AATF: variants seen among roughly 807,000 people sequenced by gnomAD.
AATF encodes apoptosis antagonizing transcription factor.
In AATF, 48 loss-of-function variants were observed where a neutral mutation model predicts 63.7. That is an observed-to-expected ratio of 0.75 (90% CI 0.60 to 0.96). The LOEUF is 0.96. AATF is among the 40% of genes least tolerant of loss of function. The pLI is 0.00. For missense variants in AATF, 639 were observed against 685.7 expected (o/e 0.93, Z 0.76); for synonymous variants, 258 against 247.7 (o/e 1.04, Z -0.39).
chr17:37,026,470 C>T (rs1259755729), intron 10 of AATF, among the ~76,000 whole-genome samples: 1 of 152,212 alleles, frequency 6.6e-6, no homozygotes, highest in African/African-American at 2.4e-5. Context: ...AATCAGTTTA[C>T]ATGCGGAGGC....
intron 8 of AATF, among the ~76,000 whole-genome samples, chr17:37,006,552 A>G (rs949866028): frequency 8.5e-5 from 13 of 152,226 alleles, no homozygotes; most frequent in Admixed American, 5.2e-4. Context: ...CAAATTGGCA[A>G]GTTTTTTAGC....
intron 4 of AATF, among the ~76,000 whole-genome samples, chr17:36,970,526 CTTTCTTTCTTT>C (rs2071030607): frequency 7.3e-6 from 1 of 136,970 alleles, no homozygotes; most frequent in Non-Finnish European, 1.5e-5. Flanking sequence ...TGGATAGTTT[CTTTCTTTCTTT>C]TTTCTTTTTT....
chr17:36,997,858 CTG>C lies in AATF; in HGVS notation c.1398+7004_1398+7005del. On this transcript the variant is annotated intron_variant, in intron 8 of 11. Transcript: ENST00000619387. ...ATCAATCAACGAGTGGATAAAGAAA[CTG>C]TGGTATATCTATATGATGGAATACT... Among the ~76,000 whole-genome samples, 3 of 152,276 alleles carry C rather than the reference CTG, an allele frequency of 2.0e-5. No individual in the cohort carries two copies. The Middle Eastern group carries it at 0.01, about 518-fold the overall frequency.
In AATF at chr17:36,957,284, T is replaced by G. The variant is rs2070909645; in HGVS notation, c.832+3377T>G. On this transcript the variant is annotated intron_variant, in intron 4 of 11. Coordinates refer to ENST00000619387, the MANE Select transcript of AATF (RefSeq NM_012138.4). ...TGGTTGTGAGGATTAAAGGACATAA[T>G]CAATAGAAAGCATTAGCACAGTGTC... Among the ~76,000 whole-genome samples, 5 of 152,098 alleles carry G rather than the reference T, an allele frequency of 3.3e-5. No homozygotes were observed. In the South Asian group the frequency reaches 1.0e-3, roughly 32 times the overall value.
At chr17:36,963,653 TTGAC>T (rs2070967098) in intron 4 of AATF, among the ~76,000 whole-genome samples, 1 of 152,258 alleles carries the variant, frequency 6.6e-6, no homozygotes. Flanking sequence ...CAGTACTCCT[TTGAC>T]TGACATTCAG....
At chr17:37,008,637 G>A (rs2071359653) in intron 8 of AATF, among the ~76,000 whole-genome samples, 1 of 152,186 alleles carries the variant, frequency 6.6e-6, no homozygotes, top group Non-Finnish European at 1.5e-5. Context: ...GCTGACACAG[G>A]AAGATCACTT....
intron 4 of AATF, among the ~76,000 whole-genome samples, chr17:36,972,755 TTTTG>T (rs1056480337): frequency 1.4e-4 from 21 of 152,116 alleles, no homozygotes; most frequent in Non-Finnish European, 2.8e-4. Flanking sequence ...TGTTGGGGTT[TTTTG>T]TTTGTTTCTT....
intron 11 of AATF, among the ~76,000 whole-genome samples, chr17:37,038,526 C>G (rs2071610950): frequency 6.6e-6 from 1 of 152,164 alleles, no homozygotes; most frequent in Admixed American, 6.5e-5. Flanking sequence ...GTTTGCCTTG[C>G]ATTAAATGCT....
chr17:36,965,273 G>A (rs2070982413), intron 4 of AATF, among the ~76,000 whole-genome samples: 3 of 152,128 alleles, frequency 2.0e-5, no homozygotes, highest in Admixed American at 2.0e-4. Flanking sequence ...GGAGAAATCT[G>A]TTTGCTTGCC....
Position 37,005,025 on chromosome 17 carries a change from A to C in AATF, c.1399-13980A>C, listed in dbSNP as rs865841808. Among the ~76,000 whole-genome samples, 2 of 152,182 alleles carry C rather than the reference A, an allele frequency of 1.3e-5. 1 individual carries two copies. The highest frequency in any genetic ancestry group is 4.1e-4 in the South Asian group (2 of 4,832). On this transcript the variant is annotated intron_variant, in intron 8 of 11. Transcript: ENST00000619387. ...TTTGTTTTGGTAAGTTTGGCAAACTATTGTGGTGGCAGCACCTGATCTGAA... is the reference window on the plus strand; with the variant it reads ...TTTGTTTTGGTAAGTTTGGCAAACTCTTGTGGTGGCAGCACCTGATCTGAA...
intron 8 of AATF, among the ~76,000 whole-genome samples, chr17:37,011,451 AGTGGACAAATTC>A (rs2071390148): frequency 6.6e-6 from 1 of 152,184 alleles, no homozygotes; most frequent in Non-Finnish European, 1.5e-5. Flanking sequence ...GATGGAGAAA[AGTGGACAAATTC>A]GTGAATATAA....
intron 8 of AATF, among the ~76,000 whole-genome samples, chr17:36,995,361 T>A (rs1425985714): frequency 6.6e-6 from 1 of 152,152 alleles, no homozygotes; most frequent in East Asian, 1.9e-4. Flanking sequence ...CTATTAAAAG[T>A]CGATAATGTT....
chr17:36,999,263 G>A (rs1183374398), intron 8 of AATF: 2 of 152,004 alleles, frequency 1.3e-5, no homozygotes, highest in Non-Finnish European at 2.9e-5. Context: ...AGTTAAAGAG[G>A]AAAAAAGTCA....
At chr17:37,003,600 G>A (rs1464696956) in intron 8 of AATF, among the ~76,000 whole-genome samples, 1 of 150,160 alleles carries the variant, frequency 6.7e-6, no homozygotes, top group African/African-American at 2.5e-5. Context: ...CCAAGTAGCT[G>A]GAACTAAAGG....
intron 4 of AATF, among the ~76,000 whole-genome samples, chr17:36,967,332 G>T (rs1243176258): frequency 3.9e-5 from 6 of 152,282 alleles, no homozygotes; most frequent in African/African-American, 1.2e-4. Flanking sequence ...AATACACTAT[G>T]ATTATTTTCC....
chr17:36,991,956 G>A (rs1336238617), intron 8 of AATF, among the ~76,000 whole-genome samples: 1 of 152,170 alleles, frequency 6.6e-6, no homozygotes, highest in South Asian at 2.1e-4. Flanking sequence ...AATAGAGGAA[G>A]CTGTTCAGCA....
intron 8 of AATF, among the ~76,000 whole-genome samples, chr17:36,995,933 T>C (rs2071251588): frequency 6.6e-6 from 1 of 152,148 alleles, no homozygotes; most frequent in Non-Finnish European, 1.5e-5. Context: ...GTTAATAACA[T>C]GTTTTTAAGT....
intron 7 of AATF, among the ~76,000 whole-genome samples, chr17:36,990,254 T>C (rs1473123304): frequency 2.0e-5 from 3 of 152,182 alleles, no homozygotes; most frequent in African/African-American, 7.2e-5. Context: ...GCTACCTCAT[T>C]TTTCCTAATG....
intron 4 of AATF, among the ~76,000 whole-genome samples, chr17:36,966,555 G>A (rs180872330): frequency 8.6e-5 from 13 of 151,668 alleles, no homozygotes; most frequent in Admixed American, 5.9e-4. Flanking sequence ...GGTGTGAACC[G>A]CCATGCCCAC....
Sources: gnomAD v4.1 joint callset for allele counts (sites outside exome capture counted in the v4.1 genomes callset) on GRCh38, gnomAD v4.1.1 for gene constraint, MANE v1.5 for transcripts, NCBI Gene and HGNC (gene_info 2026-07-23, HGNC 2026-07-21) for gene names.